CFAP47: variants seen among roughly 807,000 people sequenced by gnomAD.
CFAP47 encodes the protein cilia- and flagella-associated protein 47.
CFAP47 carries 29 observed loss-of-function variants against 148.1 expected under a neutral mutation model. That is an observed-to-expected ratio of 0.20 (90% CI 0.15 to 0.27). The LOEUF (loss-of-function observed/expected upper bound fraction) is 0.27. CFAP47 is among the 10% of genes least tolerant of loss of function. The pLI is 1.00. For missense variants in CFAP47, 1,872 were observed against 1,697.5 expected (o/e 1.10, Z -1.81); for synonymous variants, 664 against 577.3 (o/e 1.15, Z -2.15).
intron 48 of CFAP47, among the ~76,000 whole-genome samples, chrX:36,237,357 T>TTTATA (rs1940481950): frequency 8.9e-6 from 1 of 111,857 alleles, no homozygotes; most frequent in African/African-American, 3.3e-5. Context: ...TTTATTTTAT[T>TTTATA]TTTTGTCTGT....
At chrX:36,113,321 G>A (rs1469292760) in intron 33 of CFAP47, among the ~76,000 whole-genome samples, 1 of 111,707 alleles carries the variant, frequency 9.0e-6, no homozygotes, top group Non-Finnish European at 1.9e-5. Context: ...TGTCTGAATA[G>A]GATCTTATTT....
At chrX:36,382,393 C>T in intron 63 of CFAP47, among the ~76,000 whole-genome samples, 1 of 111,631 alleles carries the variant, frequency 9.0e-6, no homozygotes, top group East Asian at 2.8e-4. Context: ...TCTGGGGTTT[C>T]TGAACAATCT....
intron 8 of CFAP47, 36 bp downstream of exon 8, chrX:35,956,232 A>C (rs1302608879): frequency 1.9e-6 from 2 of 1,049,053 alleles, no homozygotes; most frequent in Non-Finnish European, 2.7e-6. Context: ...CATGGCAGCT[A>C]ACATTTTAAG....
At chrX:36,169,196 G>T (rs1037863253) in intron 39 of CFAP47, among the ~76,000 whole-genome samples, 1 of 111,037 alleles carries the variant, frequency 9.0e-6, no homozygotes, top group African/African-American at 3.3e-5. Context: ...CTACTTACAA[G>T]ATTGTCTATA....
chrX:35,956,085 G>A lies in CFAP47; in HGVS notation c.1299G>A (p.Gln433=), dbSNP rs750944152. 1.1e-4 allele frequency: 131 copies of A among 1,209,413 alleles called. No homozygotes were observed. The highest frequency in any genetic ancestry group is 1.3e-4 in the Non-Finnish European group (118 of 894,866). The change falls in exon 8 of 64, where the codon CAG becomes CAA. Residue 433 remains glutamine (Q), a synonymous_variant. Coordinates refer to ENST00000378653, the MANE Select transcript of CFAP47 (RefSeq NM_001304548.2). The part of the protein sequence containing the change: ...PCFMGERSEI[Q]CIIKNQCELL... ...TCATGGGTGAACGTTCAGAAATTCAGTGCATCATAAAAAATCAATGCGAAT... is the reference window on the plus strand; with the variant it reads ...TCATGGGTGAACGTTCAGAAATTCAATGCATCATAAAAAATCAATGCGAAT...
intron 22 of CFAP47, among the ~76,000 whole-genome samples, chrX:36,030,747 T>G (rs913570821): frequency 1.2e-4 from 13 of 110,926 alleles, no homozygotes; most frequent in Non-Finnish European, 2.3e-4. Flanking sequence ...TATAATATCT[T>G]CTCTAATGCA....
intron 1 of CFAP47, among the ~76,000 whole-genome samples, chrX:35,925,660 A>G (rs1292865051): frequency 8.9e-6 from 1 of 111,919 alleles, no homozygotes; most frequent in Non-Finnish European, 1.9e-5. Flanking sequence ...AACGTTATTT[A>G]TTTATTTATT....
At chrX:35,959,898 A>C (rs1255548440) in intron 8 of CFAP47, among the ~76,000 whole-genome samples, 2 of 109,086 alleles carry the variant, frequency 1.8e-5, no homozygotes, top group African/African-American at 6.7e-5. Flanking sequence ...AAAAAAAAAA[A>C]AAACTATTTG....
chrX:36,384,915 G>A lies in CFAP47; in HGVS notation c.9473G>A (p.Arg3158His), dbSNP rs1556024889. 1.2e-5 allele frequency: 14 copies of A among 1,165,702 alleles called. No homozygotes were observed. Among genetic ancestry groups the A allele is most frequent in the South Asian group, 1.1e-4 (6 of 52,673 alleles). The change falls in exon 64 of 64, where the codon CGT (arginine) becomes CAT (histidine). Residue 3158 changes from arginine (R) to histidine (H), a missense_variant. Physicochemically the swap from Arg to His is conservative, Grantham distance 29. Transcript: ENST00000378653. ...AAGACACATGACAACATGCCAGTCC[G>A]TCCACATAATTTTGTCCGTGAAAAT... ...THKTHDNMPV[R>H]PHNFVRENTK...
intron 39 of CFAP47, among the ~76,000 whole-genome samples, chrX:36,178,115 A>T (rs2146865942): frequency 8.9e-6 from 1 of 111,819 alleles, no homozygotes; most frequent in Admixed American, 9.5e-5. Flanking sequence ...CTTATTTATA[A>T]GTGGGAGCCA....
intron 35 of CFAP47, among the ~76,000 whole-genome samples, chrX:36,141,076 T>A (rs935399386): frequency 1.9e-5 from 2 of 106,850 alleles, no homozygotes; most frequent in Non-Finnish European, 3.8e-5. Flanking sequence ...TTTTTTTTTT[T>A]AATCACTTGT....
intron 21 of CFAP47, 123 bp from the exon 22 acceptor site, chrX:36,014,651 A>G (rs1434921700): frequency 3.9e-6 from 1 of 257,881 alleles, no homozygotes; most frequent in African/African-American, 2.8e-5. Flanking sequence ...ATGTAGTTCA[A>G]TGTCGCAAGA....
At chrX:35,996,126 A>G (rs1186533674) in intron 18 of CFAP47, among the ~76,000 whole-genome samples, 2 of 111,125 alleles carry the variant, frequency 1.8e-5, no homozygotes, top group Non-Finnish European at 3.8e-5. Context: ...GGTGGTGAAT[A>G]AGCTATGACA....
chrX:36,258,671 A>AT (rs1377150104), intron 49 of CFAP47, among the ~76,000 whole-genome samples: 2 of 111,720 alleles, frequency 1.8e-5, no homozygotes, highest in Admixed American at 1.9e-4. Context: ...ACATATAATT[A>AT]TTTTTCTATA....
intron 56 of CFAP47, among the ~76,000 whole-genome samples, chrX:36,312,404 C>A (rs6632563): frequency 0.11 from 11,949 of 109,630 alleles, 539 homozygotes; most frequent in East Asian, 0.27. Context: ...ATGGAGCTGA[C>A]AAAATTAAAT....
intron 50 of CFAP47, among the ~76,000 whole-genome samples, chrX:36,285,385 T>TTATGGAAGA (rs1941122115): frequency 8.9e-6 from 1 of 111,927 alleles, no homozygotes; most frequent in Non-Finnish European, 1.9e-5. Flanking sequence ...CTTAATGAGT[T>TTATGGAAGA]ACTGGCATAG....
chrX:36,124,373 G>A (rs1228641489), intron 33 of CFAP47, among the ~76,000 whole-genome samples: 1 of 111,263 alleles, frequency 9.0e-6, no homozygotes, highest in African/African-American at 3.3e-5. Flanking sequence ...GGCCTATATT[G>A]CCTTTCAAGT....
chrX:36,286,427 TAA>T (rs11362020), intron 51 of CFAP47, among the ~76,000 whole-genome samples: 15 of 97,892 alleles, frequency 1.5e-4, no homozygotes, highest in South Asian at 9.1e-4. Flanking sequence ...AAATAGAAAG[TAA>T]AAAAAAAAAA....
intron 19 of CFAP47, among the ~76,000 whole-genome samples, chrX:35,999,353 G>A (rs1008898722): frequency 9.0e-6 from 1 of 111,492 alleles, no homozygotes; most frequent in Non-Finnish European, 1.9e-5. Context: ...GAAACTCCAT[G>A]GTATTTTAGT....
Sources: gnomAD v4.1 joint callset for allele counts (sites outside exome capture counted in the v4.1 genomes callset) on GRCh38, gnomAD v4.1.1 for gene constraint, MANE v1.5 for transcripts, NCBI Gene and HGNC (gene_info 2026-07-23, HGNC 2026-07-21) for gene names.